ADAMTS17: variants seen among roughly 807,000 people sequenced by gnomAD.
ADAMTS17 encodes A disintegrin and metalloproteinase with thrombospondin motifs 17.
Under a neutral mutation model 141.5 loss-of-function variants are expected in ADAMTS17, and 113 were observed. The ratio of observed to expected loss-of-function variants is 0.80; its 90% CI spans 0.69 to 0.93. The LOEUF is 0.93. ADAMTS17 is among the 40% of genes least tolerant of loss of function. The pLI is 0.00. For missense variants in ADAMTS17, 1,659 were observed against 1,517.9 expected (o/e 1.09, Z -1.54); for synonymous variants, 768 against 630.6 (o/e 1.22, Z -3.27).
intron 14 of ADAMTS17, among the ~76,000 whole-genome samples, chr15:100,101,224 A>G (rs2036079092): frequency 1.3e-5 from 2 of 152,160 alleles, no homozygotes; most frequent in South Asian, 2.1e-4. Context: ...CCACCTGCTC[A>G]CTGTCCTCCT....
At chr15:100,074,298 A>G (rs906107425) in intron 15 of ADAMTS17, 1 of 152,204 alleles carries the variant, frequency 6.6e-6, no homozygotes, top group African/African-American at 2.4e-5. Context: ...GAATGCTTAC[A>G]GTGTTTTGCT....
chr15:100,211,606 T>TA (rs1172755655), intron 7 of ADAMTS17, among the ~76,000 whole-genome samples: 1 of 152,088 alleles, frequency 6.6e-6, no homozygotes, highest in East Asian at 1.9e-4. Context: ...GCAAAGATCA[T>TA]AAAAAAGATT....
intron 17 of ADAMTS17, among the ~76,000 whole-genome samples, chr15:100,050,750 C>T (rs928021799): frequency 6.6e-6 from 1 of 152,226 alleles, no homozygotes; most frequent in Non-Finnish European, 1.5e-5. Context: ...GGTTGGCCTA[C>T]CAGAGTCCAG....
chr15:100,218,323 T>G (rs1390632208), intron 7 of ADAMTS17, among the ~76,000 whole-genome samples: 1 of 152,220 alleles, frequency 6.6e-6, no homozygotes, highest in African/African-American at 2.4e-5. Context: ...GGTTTGTCAT[T>G]TAAAAATAAA....
chr15:99,972,165 G>A lies in ADAMTS17; in HGVS notation c.*2237C>T, dbSNP rs1174009072. ...ACTGGGGAGGGTGAGGCAGAAGAAT[G>A]GCCTGAACCCGGGAGGCGGAGCTTT... On this transcript the variant is annotated 3_prime_UTR_variant, in exon 22 of 22. Coordinates refer to ENST00000268070, the MANE Select transcript of ADAMTS17 (RefSeq NM_139057.4). 2.0e-5 allele frequency: 3 copies of A among 152,232 alleles called. No homozygotes were observed. Among genetic ancestry groups the A allele is most frequent in the African/African-American group, 4.8e-5 (2 of 41,422 alleles). 9.4% of individuals were successfully genotyped at this position (152,232 alleles called of 1,614,324 possible).
chr15:99,999,982 G>A (rs1483874187), intron 18 of ADAMTS17, among the ~76,000 whole-genome samples: 2 of 152,160 alleles, frequency 1.3e-5, no homozygotes, highest in Non-Finnish European at 2.9e-5. Context: ...AGCCCTTCTT[G>A]GATCCATGGC....
intron 15 of ADAMTS17, among the ~76,000 whole-genome samples, chr15:100,061,054 G>A (rs554996643): frequency 1.8e-4 from 28 of 152,286 alleles, no homozygotes; most frequent in South Asian, 4.1e-4. Flanking sequence ...ACCTCCCACG[G>A]AGGCCCACTG....
chr15:100,091,871 T>C (rs892793132), intron 15 of ADAMTS17, among the ~76,000 whole-genome samples: 1 of 152,220 alleles, frequency 6.6e-6, no homozygotes, highest in Non-Finnish European at 1.5e-5. Context: ...TTCACAAGAA[T>C]ATTACTATCT....
rs778974184 is a variant in ADAMTS17 at position 100,254,094 on chromosome 15, G to T, written c.1075+42C>A. The T allele has an allele frequency of 1.9e-6, 3 of 1,588,044 alleles. No individual in the cohort carries two copies. The East Asian group carries it at 6.7e-5, about 35-fold the overall frequency. ...CAGGAAGTCTCCAGATTCTCCCAGG[G>T]TGTATCAGCCCCTTAGATTATTATT... On this transcript the variant is annotated intron_variant, in intron 7 of 21. Transcript: ENST00000268070.
intron 10 of ADAMTS17, among the ~76,000 whole-genome samples, chr15:100,140,863 G>A (rs532877528): frequency 2.6e-5 from 4 of 151,988 alleles, no homozygotes; most frequent in Non-Finnish European, 4.4e-5. Context: ...GCGACATGCC[G>A]TTCCCTCCGC....
In ADAMTS17 at chr15:100,341,148, G is replaced by A; in HGVS notation, c.341C>T (p.Ala114Val). The change falls in exon 2 of 22, where the codon GCG becomes GTG. Residue 114 changes from alanine to valine, a missense_variant. By Grantham distance (64) the Ala-to-Val change is moderately conservative. Coordinates refer to ENST00000268070, the MANE Select transcript of ADAMTS17 (RefSeq NM_139057.4). The stretch of plus-strand genomic sequence containing the variant: ...GGCGGGGCGGCCGCGGCGCCGGGCC[G>A]CGCCCGCCTCCTCCACCTCGAAGCC... Reference protein sequence around the residue: ...SRGFEVEEAGAARRRGRPAEL... With the variant: ...SRGFEVEEAGVARRRGRPAEL... 1 of 1,446,160 alleles carries A rather than the reference G, an allele frequency of 6.9e-7. No individual in the cohort carries two copies. Among genetic ancestry groups the A allele is most frequent in the Non-Finnish European group, 9.0e-7 (1 of 1,105,918 alleles). The allele number at this position is 1,446,160 out of a possible 1,614,324, so 89.6% of individuals were successfully genotyped here.
chr15:100,210,847 A>T (rs1324776935), intron 7 of ADAMTS17, among the ~76,000 whole-genome samples: 1 of 152,130 alleles, frequency 6.6e-6, no homozygotes, highest in Non-Finnish European at 1.5e-5. Flanking sequence ...CACGCCTGTA[A>T]TCCCAGCACT....
chr15:100,096,404 T>C lies in ADAMTS17; in HGVS notation c.2089A>G (p.Lys697Glu), dbSNP rs1373879246. ...DRCGVCSGDG[K>E]TCHLVKGDFS... ...TCGCCCTTCACCAAGTGGCAGGTCT[T>C]GCCGTCCCCGCTGCAGACCCCGCAT... Residue 697 changes from lysine to glutamate, a missense_variant, in exon 15 of 22, where the codon AAG becomes GAG. Lys to Glu is a moderately conservative substitution (Grantham distance 56, BLOSUM62 1). Transcript: ENST00000268070. 1.2e-6 allele frequency: 2 copies of C among 1,614,042 alleles called. No individual in the cohort carries two copies. Among genetic ancestry groups the C allele is most frequent in the Non-Finnish European group, 1.7e-6 (2 of 1,180,050 alleles).
chr15:100,006,684 C>T (rs770632720), intron 18 of ADAMTS17, among the ~76,000 whole-genome samples: 3 of 152,184 alleles, frequency 2.0e-5, no homozygotes, highest in Non-Finnish European at 2.9e-5. Flanking sequence ...TCAGAATGGG[C>T]GCAAAAGAAG....
At chr15:100,244,106 C>T (rs2141912061) in intron 7 of ADAMTS17, among the ~76,000 whole-genome samples, 1 of 152,164 alleles carries the variant, frequency 6.6e-6, no homozygotes, top group Non-Finnish European at 1.5e-5. Context: ...TCACATCTTA[C>T]ATGGTGGCAG....
intron 18 of ADAMTS17, among the ~76,000 whole-genome samples, chr15:100,003,117 A>G (rs920131321): frequency 1.3e-5 from 2 of 152,030 alleles, no homozygotes; most frequent in East Asian, 3.9e-4. Flanking sequence ...TGCCGAGAGC[A>G]CAGCCTCCCA....
intron 14 of ADAMTS17, among the ~76,000 whole-genome samples, chr15:100,108,210 T>C (rs558700158): frequency 6.6e-6 from 1 of 151,964 alleles, no homozygotes; most frequent in Admixed American, 6.5e-5. Flanking sequence ...CTTGCTTTGT[T>C]GCCCAGGCTG....
chr15:100,205,314 A>G (rs1430207241), intron 7 of ADAMTS17, among the ~76,000 whole-genome samples: 1 of 152,188 alleles, frequency 6.6e-6, no homozygotes, highest in Admixed American at 6.5e-5. Flanking sequence ...CCTGGGATTT[A>G]CAAGTTAGAA....
At chr15:100,292,732 T>G (rs1174513751) in intron 3 of ADAMTS17, among the ~76,000 whole-genome samples, 1 of 152,246 alleles carries the variant, frequency 6.6e-6, no homozygotes, top group African/African-American at 2.4e-5. Context: ...ACCACTAACC[T>G]AGTTGACTGG....
Sources: gnomAD v4.1 joint callset for allele counts (sites outside exome capture counted in the v4.1 genomes callset) on GRCh38, gnomAD v4.1.1 for gene constraint, MANE v1.5 for transcripts, NCBI Gene and HGNC (gene_info 2026-07-23, HGNC 2026-07-21) for gene names.